Variants in GADL1 observed in about 807,000 individuals in gnomAD.
The protein encoded by GADL1 is GAD like acidic amino acid decarboxylase 1.
GADL1 carries 71 observed loss-of-function variants against 69.5 expected under a neutral mutation model. The ratio of observed to expected loss-of-function variants is 1.02; its 90% CI spans 0.84 to 1.25. The LOEUF is 1.25. GADL1 is among the 50% of genes most tolerant of loss of function. The pLI, the probability that GADL1 is intolerant of heterozygous loss-of-function variation, is 0.00. For synonymous variants in GADL1, 254 were observed against 214.4 expected (o/e 1.18, Z -1.62); for missense variants, 737 against 631.8 (o/e 1.17, Z -1.79).
At chr3:30,844,705 T>C (rs1332660850) in intron 6 of GADL1, among the ~76,000 whole-genome samples, 1 of 152,108 alleles carries the variant, frequency 6.6e-6, no homozygotes, top group East Asian at 1.9e-4. Flanking sequence ...CTTGAACAAA[T>C]AATATACACT....
At chr3:30,817,471 A>G (rs1296816873) in intron 11 of GADL1, among the ~76,000 whole-genome samples, 2 of 152,164 alleles carry the variant, frequency 1.3e-5, no homozygotes, top group Non-Finnish European at 2.9e-5. Flanking sequence ...TTAGATTTCA[A>G]TTGAACTTTT....
At chr3:30,816,361 A>G (rs1697469593) in intron 11 of GADL1, among the ~76,000 whole-genome samples, 1 of 151,836 alleles carries the variant, frequency 6.6e-6, no homozygotes, top group Non-Finnish European at 1.5e-5. Context: ...TGGCTGTAGG[A>G]AAATAAATGC....
intron 14 of GADL1, among the ~76,000 whole-genome samples, chr3:30,755,033 ATTG>A (rs1695935047): frequency 6.6e-6 from 1 of 152,188 alleles, no homozygotes; most frequent in South Asian, 2.1e-4. Flanking sequence ...GTTGAAGAAT[ATTG>A]TTTGATCTAG....
intron 1 of GADL1, among the ~76,000 whole-genome samples, chr3:30,890,502 T>C (rs1698772810): frequency 6.6e-6 from 1 of 152,194 alleles, no homozygotes; most frequent in South Asian, 2.1e-4. Context: ...ACATCTGTGG[T>C]GGTAACTCCA....
At position 30,758,341 on chromosome 3, in the gene GADL1, T is replaced by C. The variant is rs139415878; in HGVS notation, c.1392+19838A>G. The stretch of plus-strand genomic sequence containing the variant: ...AGCTGATGAGTTTTCTCTGGGCTAT[T>C]CTTTGCAGCCTCCCTCCAGCTCTTC... On this transcript the variant is annotated intron_variant, in intron 14 of 14. Coordinates refer to ENST00000282538, the MANE Select transcript of GADL1 (RefSeq NM_207359.3). Among the ~76,000 whole-genome samples the C allele has an allele frequency of 1.0e-3, 159 of 152,270 alleles. 1 individual carries two copies. Among genetic ancestry groups the C allele is most frequent in the Middle Eastern group, 0.01 (3 of 294 alleles).
At chr3:30,803,090 T>C (rs1383453541) in intron 11 of GADL1, among the ~76,000 whole-genome samples, 1 of 152,214 alleles carries the variant, frequency 6.6e-6, no homozygotes, top group Non-Finnish European at 1.5e-5. Flanking sequence ...GGACCCTGTC[T>C]CTAGAATAAT....
chr3:30,870,096 G>T (rs1698459720), intron 1 of GADL1, among the ~76,000 whole-genome samples: 1 of 151,842 alleles, frequency 6.6e-6, no homozygotes, highest in Admixed American at 6.6e-5. Context: ...TAAGGCATTT[G>T]AGGTTGAGCA....
At chr3:30,730,870 T>C (rs775842846) in intron 14 of GADL1, among the ~76,000 whole-genome samples, 32 of 152,290 alleles carry the variant, frequency 2.1e-4, no homozygotes, top group Admixed American at 4.6e-4. Flanking sequence ...TGTGTGTGTG[T>C]GCCTGTGCAT....
At chr3:30,747,269 G>T (rs987390654) in intron 14 of GADL1, among the ~76,000 whole-genome samples, 1 of 152,136 alleles carries the variant, frequency 6.6e-6, no homozygotes, top group African/African-American at 2.4e-5. Flanking sequence ...CAGCACCTTG[G>T]GTTGTCTGAA....
chr3:30,808,292 T>C (rs1003298623), intron 11 of GADL1, among the ~76,000 whole-genome samples: 1 of 152,060 alleles, frequency 6.6e-6, no homozygotes, highest in African/African-American at 2.4e-5. Context: ...GGTCAGGAGT[T>C]GGAGACCAGC....
chr3:30,752,938 A>C (rs542672089), intron 14 of GADL1, among the ~76,000 whole-genome samples: 166 of 137,254 alleles, frequency 1.2e-3, no homozygotes, highest in African/African-American at 4.7e-3. Context: ...AGTTGAGAAC[A>C]CAATCCTCGT....
intron 11 of GADL1, among the ~76,000 whole-genome samples, chr3:30,812,053 T>C (rs1449057113): frequency 6.6e-6 from 1 of 152,200 alleles, no homozygotes; most frequent in South Asian, 2.1e-4. Context: ...TCTGATAACA[T>C]AAACCAGGGT....
intron 1 of GADL1, among the ~76,000 whole-genome samples, chr3:30,882,662 T>C (rs1341871223): frequency 6.6e-6 from 1 of 151,976 alleles, no homozygotes; most frequent in Non-Finnish European, 1.5e-5. Context: ...CTGTTTTCAA[T>C]TTTTAAGGTA....
At chr3:30,765,675 C>A (rs304835) in intron 14 of GADL1, among the ~76,000 whole-genome samples, 103,658 of 151,936 alleles carry the variant, frequency 0.68, 35,910 homozygotes, top group Non-Finnish European at 0.74. Flanking sequence ...AGGAGCCCCA[C>A]ATTTTTATTT....
chr3:30,892,753 CTATTT>C (rs1277097761), intron 1 of GADL1, among the ~76,000 whole-genome samples: 1 of 152,174 alleles, frequency 6.6e-6, no homozygotes, highest in Non-Finnish European at 1.5e-5. Context: ...TCAGATAAAA[CTATTT>C]TAACCATCCT....
chr3:30,892,552 A>C (rs1258020816), intron 1 of GADL1, among the ~76,000 whole-genome samples: 1 of 152,220 alleles, frequency 6.6e-6, no homozygotes, highest in Non-Finnish European at 1.5e-5. Context: ...TTTATAAATC[A>C]TATATTCAGC....
chr3:30,872,447 A>G (rs2125541482), intron 1 of GADL1, among the ~76,000 whole-genome samples: 1 of 151,970 alleles, frequency 6.6e-6, no homozygotes, highest in African/African-American at 2.4e-5. Flanking sequence ...GTCTATATAC[A>G]TTTATAAAAC....
intron 14 of GADL1, among the ~76,000 whole-genome samples, chr3:30,734,212 A>G (rs1456790040): frequency 7.9e-5 from 12 of 152,148 alleles, no homozygotes; most frequent in African/African-American, 2.9e-4. Context: ...ATCGATTTAC[A>G]TCTCTGTTTG....
rs142724694 is a variant in GADL1, at chr3:30,740,246, T to C, written c.1393-11831A>G. On this transcript the variant is annotated intron_variant, in intron 14 of 14. Coordinates refer to ENST00000282538, the MANE Select transcript of GADL1 (RefSeq NM_207359.3). ...GCTCTGGTATTTAAAAAGACAGAGT[T>C]TGAATTCGACTGGTAATGTATTTTT... Among the ~76,000 whole-genome samples, 137 of 152,338 alleles carry C rather than the reference T, an allele frequency of 9.0e-4. No homozygotes were observed. In the Middle Eastern group the frequency reaches 0.014, roughly 15 times the overall value.
Sources: allele counts gnomAD v4.1 joint callset (sites outside exome capture counted in the v4.1 genomes callset), GRCh38; gene constraint gnomAD v4.1.1; transcripts MANE v1.5; gene names NCBI Gene and HGNC (gene_info 2026-07-23, HGNC 2026-07-21).